NBEA: variants seen among roughly 807,000 people sequenced by gnomAD.
The protein encoded by NBEA is neurobeachin.
A neutral mutation model predicts 343.4 loss-of-function variants in NBEA; 44 were observed. The ratio of observed to expected loss-of-function variants is 0.13; its 90% CI spans 0.10 to 0.16. The LOEUF (loss-of-function observed/expected upper bound fraction) is 0.16. Ranked by LOEUF, NBEA falls within the 10% of genes least tolerant of loss-of-function variation. NBEA has a pLI of 1.00. For synonymous variants in NBEA, 1,175 were observed against 1,238.7 expected (o/e 0.95, Z 1.08); for missense variants, 2,555 against 3,631.3 (o/e 0.70, Z 7.62).
At chr13:35,188,905 T>G (rs931335782) in intron 30 of NBEA, among the ~76,000 whole-genome samples, 1 of 144,956 alleles carries the variant, frequency 6.9e-6, no homozygotes, top group African/African-American at 2.6e-5. Context: ...TTTTACTTTT[T>G]GTTTTTTTTT....
intron 8 of NBEA, among the ~76,000 whole-genome samples, chr13:35,060,881 G>A (rs937571504): frequency 4.0e-5 from 6 of 151,522 alleles, no homozygotes; most frequent in African/African-American, 1.4e-4. Context: ...AATTTTTAAG[G>A]TGTAGAGAAT....
intron 11 of NBEA, among the ~76,000 whole-genome samples, chr13:35,099,799 TTTA>T (rs1183765623): frequency 6.6e-6 from 1 of 152,164 alleles, no homozygotes. Context: ...AAGCTGTGCT[TTTA>T]TGATGAGTGC....
intron 48 of NBEA, among the ~76,000 whole-genome samples, chr13:35,624,057 T>G (rs200095092): frequency 1.3e-3 from 63 of 47,884 alleles, no homozygotes; most frequent in South Asian, 3.5e-3. Flanking sequence ...TGTGTGTGGG[T>G]GTGTGTGTGT....
chr13:35,463,819 G>T (rs1362606971), intron 40 of NBEA, among the ~76,000 whole-genome samples: 5 of 152,034 alleles, frequency 3.3e-5, no homozygotes, highest in Admixed American at 3.3e-4. Flanking sequence ...GAAGAAAGGA[G>T]ATAGAAATAA....
At position 35,407,134 on chromosome 13, in the gene NBEA, G is replaced by GTT. The variant is rs11452480; in HGVS notation, c.6180-25127_6180-25126dup. The stretch of plus-strand genomic sequence containing the variant: ...GCCACCACACCTGGCTAATTTTTGT[G>GTT]TTTTTTTTTCAGTAGAGACAGGGTT... On this transcript the variant is annotated intron_variant, in intron 38 of 58. Coordinates refer to ENST00000379939, the MANE Select transcript of NBEA (RefSeq NM_001385012.1). Among the ~76,000 whole-genome samples the GTT allele has an allele frequency of 2.5e-3, 373 of 148,382 alleles. 1 individual carries two copies. Among genetic ancestry groups the GTT allele is most frequent in the Middle Eastern group, 3.5e-3 (1 of 286 alleles).
At chr13:35,144,477 C>G (rs572087863) in intron 18 of NBEA, among the ~76,000 whole-genome samples, 3 of 152,296 alleles carry the variant, frequency 2.0e-5, no homozygotes, top group African/African-American at 7.2e-5. Flanking sequence ...GCTATCTTGG[C>G]TCTCATCCTG....
intron 40 of NBEA, among the ~76,000 whole-genome samples, chr13:35,454,011 T>C (rs1350534786): frequency 2.6e-5 from 4 of 152,312 alleles, no homozygotes; most frequent in African/African-American, 9.6e-5. Flanking sequence ...GATTTGTCAT[T>C]GAGCATACCT....
intron 1 of NBEA, among the ~76,000 whole-genome samples, chr13:34,955,114 T>G (rs1208801801): frequency 9.9e-5 from 15 of 152,148 alleles, no homozygotes; most frequent in Admixed American, 9.8e-4. Context: ...ACACCCAGAT[T>G]CCCTGACCCT....
chr13:35,576,372 T>A (rs893070968), intron 45 of NBEA, among the ~76,000 whole-genome samples: 1 of 151,992 alleles, frequency 6.6e-6, no homozygotes, highest in Non-Finnish European at 1.5e-5. Flanking sequence ...CCCACCTTGG[T>A]CTCCCAAAGT....
intron 36 of NBEA, among the ~76,000 whole-genome samples, chr13:35,321,505 G>A (rs987199161): frequency 9.9e-5 from 15 of 152,052 alleles, no homozygotes; most frequent in Non-Finnish European, 2.9e-5. Flanking sequence ...GCCAGCTGGA[G>A]CTCTCCTGTA....
rs370304591 is a variant in NBEA, at chr13:35,198,250, G to C, written c.5366+1948G>C. ...TATAAGTTTGTATAAACATATGCAT[G>C]TAAGTATATGTACTTGTGTATTTCT... is the stretch of plus-strand genomic sequence containing the variant. On this transcript the variant is annotated intron_variant, in intron 31 of 58. Coordinates refer to ENST00000379939, the MANE Select transcript of NBEA (RefSeq NM_001385012.1). Among the ~76,000 whole-genome samples, 5 of 152,164 alleles carry C rather than the reference G, an allele frequency of 3.3e-5. No homozygotes were observed. The East Asian group carries it at 9.7e-4, about 29-fold the overall frequency.
rs533447096 is a variant in NBEA, at chr13:34,964,756, CA to C, written c.294+21643del. Among the ~76,000 whole-genome samples the C allele has an allele frequency of 2.3e-3, 344 of 152,010 alleles. 1 individual carries two copies. The highest frequency in any genetic ancestry group is 4.7e-3 in the Admixed American group (72 of 15,228). On this transcript the variant is annotated intron_variant, in intron 1 of 58. Coordinates refer to ENST00000379939, the MANE Select transcript of NBEA (RefSeq NM_001385012.1). ...AGGAGCAGGGCTACAAAGGGAAGAG[CA>C]GGGGGAGAACGTTATCTATGTCTCT...
At chr13:34,995,374 T>C (rs1212172889) in intron 1 of NBEA, among the ~76,000 whole-genome samples, 1 of 151,694 alleles carries the variant, frequency 6.6e-6, no homozygotes, top group Non-Finnish European at 1.5e-5. Flanking sequence ...GGAGCTGAGA[T>C]TGTGCCACTG....
chr13:35,150,088 A>T (rs1201747175), intron 18 of NBEA, among the ~76,000 whole-genome samples: 2 of 152,216 alleles, frequency 1.3e-5, no homozygotes, highest in Non-Finnish European at 2.9e-5. Flanking sequence ...TGGATGTGGG[A>T]TGAGGCAGAG....
chr13:35,108,027 G>A (rs1327511298), intron 11 of NBEA, among the ~76,000 whole-genome samples: 1 of 152,108 alleles, frequency 6.6e-6, no homozygotes, highest in Non-Finnish European at 1.5e-5. Flanking sequence ...AAGTGCTTAA[G>A]TCAAATATAT....
intron 34 of NBEA, among the ~76,000 whole-genome samples, chr13:35,258,228 C>T (rs1398579653): frequency 3.3e-5 from 5 of 150,462 alleles, no homozygotes; most frequent in Admixed American, 6.6e-5. Context: ...AGTGCAGTGG[C>T]GCGATCTCCA....
Position 35,050,406 on chromosome 13 carries a change from G to T in NBEA, c.972+11G>T. ...TTTCAACCACGCAAGGTAGGTAAAA[G>T]TAAATATTTTTATAACTCACCTGTT... On this transcript the variant is annotated intron_variant, in intron 6 of 58. Coordinates refer to ENST00000379939, the MANE Select transcript of NBEA (RefSeq NM_001385012.1). The T allele has an allele frequency of 1.2e-6, 2 of 1,604,168 alleles. No homozygotes were observed. The highest frequency in any genetic ancestry group is 1.7e-6 in the Non-Finnish European group (2 of 1,175,220).
At chr13:34,992,042 T>G (rs1044468099) in intron 1 of NBEA, among the ~76,000 whole-genome samples, 1 of 151,206 alleles carries the variant, frequency 6.6e-6, no homozygotes, top group Non-Finnish European at 1.5e-5. Flanking sequence ...GTAATATGAC[T>G]TTTATTCTCT....
At chr13:35,460,628 A>G (rs1189437567) in intron 40 of NBEA, among the ~76,000 whole-genome samples, 3 of 152,210 alleles carry the variant, frequency 2.0e-5, no homozygotes, top group Non-Finnish European at 4.4e-5. Context: ...TTCCATAAAC[A>G]TATGTCCCCT....
Sources: allele counts gnomAD v4.1 joint callset (sites outside exome capture counted in the v4.1 genomes callset), GRCh38; gene constraint gnomAD v4.1.1; transcripts MANE v1.5; gene names NCBI Gene and HGNC (gene_info 2026-07-23, HGNC 2026-07-21).